RAD51B: variants seen among roughly 807,000 people sequenced by gnomAD.
RAD51B encodes the protein DNA repair protein RAD51 homolog 2.
In RAD51B, 38 loss-of-function variants were observed where a neutral mutation model predicts 42.2. The ratio of observed to expected loss-of-function variants is 0.90; its 90% CI spans 0.70 to 1.18. RAD51B has a LOEUF of 1.18. Among genes scored for constraint, RAD51B ranks in the 50% most tolerant of loss-of-function variants. RAD51B has a pLI of 0.00. For missense variants in RAD51B, 373 were observed against 400.7 expected, an observed-to-expected ratio of 0.93 and a Z score of 0.59; for synonymous variants, 154 against 145.2, an observed-to-expected ratio of 1.06 and a Z score of -0.43.
chr14:68,021,722 A>G lies in RAD51B; in HGVS notation c.756+134518A>G, dbSNP rs181302297. Among the ~76,000 whole-genome samples the G allele has an allele frequency of 5.0e-3, 765 of 152,338 alleles. 2 individuals carry two copies. The highest frequency in any genetic ancestry group is 8.7e-3 in the Non-Finnish European group (590 of 68,022). ...CAGTTATAGCAATAAAGTGGGCAAC[A>G]CAAAATTTTTTGTTTCCTAATGCAT... On this transcript the variant is annotated intron_variant, in intron 7 of 10. Transcript: ENST00000471583.
chr14:67,994,979 G>A (rs1177922936), intron 7 of RAD51B, among the ~76,000 whole-genome samples: 1 of 152,174 alleles, frequency 6.6e-6, no homozygotes, highest in Non-Finnish European at 1.5e-5. Flanking sequence ...ATGACCTTGA[G>A]GATGTTATGC....
intron 4 of RAD51B, among the ~76,000 whole-genome samples, chr14:67,839,762 A>G (rs2041363846): frequency 6.6e-6 from 1 of 151,678 alleles, no homozygotes; most frequent in African/African-American, 2.4e-5. Context: ...CTTAAATTAG[A>G]TATTTAATCT....
intron 8 of RAD51B, among the ~76,000 whole-genome samples, chr14:68,406,948 C>T (rs10130827): frequency 0.055 from 8,356 of 152,150 alleles, 785 homozygotes; most frequent in African/African-American, 0.19. Context: ...TCCACCCGCC[C>T]ATCTTGTCTC....
At chr14:68,529,409 G>C (rs1055304543) in intron 10 of RAD51B, among the ~76,000 whole-genome samples, 1 of 152,222 alleles carries the variant, frequency 6.6e-6, no homozygotes, top group Non-Finnish European at 1.5e-5. Flanking sequence ...TGTTGGCCAG[G>C]CTGGTCTTGA....
intron 8 of RAD51B, among the ~76,000 whole-genome samples, chr14:68,307,584 C>G (rs2081893482): frequency 6.6e-6 from 1 of 152,198 alleles, no homozygotes; most frequent in African/African-American, 2.4e-5. Flanking sequence ...TTGGGACTTG[C>G]ACCAATTAAA....
At chr14:67,874,423 T>C (rs1249214091) in intron 5 of RAD51B, among the ~76,000 whole-genome samples, 1 of 58,198 alleles carries the variant, frequency 1.7e-5, no homozygotes, top group African/African-American at 8.1e-5. Flanking sequence ...TTTTTTGTGA[T>C]TTTTTTTTTT....
At chr14:68,506,287 C>T (rs1885314792) in intron 10 of RAD51B, among the ~76,000 whole-genome samples, 1 of 152,220 alleles carries the variant, frequency 6.6e-6, no homozygotes, top group Non-Finnish European at 1.5e-5. Context: ...GCGAGTGAAG[C>T]TCAGGCAGGA....
At chr14:68,028,998 T>C (rs2075998721) in intron 7 of RAD51B, among the ~76,000 whole-genome samples, 1 of 152,200 alleles carries the variant, frequency 6.6e-6, no homozygotes, top group African/African-American at 2.4e-5. Flanking sequence ...TGGATGTGGG[T>C]TCCCCTGTAG....
chr14:67,951,156 C>T (rs571778396), intron 7 of RAD51B, among the ~76,000 whole-genome samples: 1 of 152,152 alleles, frequency 6.6e-6, no homozygotes, highest in African/African-American at 2.4e-5. Context: ...CATAGACTTG[C>T]TCAGTGCATG....
rs774560787 is a variant in RAD51B, at chr14:67,864,250, G to A, written c.316-753G>A. On this transcript the variant is annotated intron_variant, in intron 4 of 10. Transcript: ENST00000471583. Reference sequence around the variant, plus strand: ...AGCCAAACTACTTCTAGTTACACTTGAATATGGATATAATTAATTTCCTAT... The same window carrying A: ...AGCCAAACTACTTCTAGTTACACTTAAATATGGATATAATTAATTTCCTAT... Among the ~76,000 whole-genome samples, 156 of 152,230 alleles carry A rather than the reference G, an allele frequency of 1.0e-3. 2 individuals are homozygous for A. Among genetic ancestry groups the A allele is most frequent in the Admixed American group, 3.3e-3 (51 of 15,296 alleles).
At chr14:68,577,472 T>A (rs1890012491) in intron 10 of RAD51B, among the ~76,000 whole-genome samples, 1 of 151,906 alleles carries the variant, frequency 6.6e-6, no homozygotes, top group Non-Finnish European at 1.5e-5. Flanking sequence ...AAATTATTCA[T>A]GTGCTTTTAC....
chr14:68,256,987 A>G (rs2080767101), intron 7 of RAD51B, among the ~76,000 whole-genome samples: 1 of 152,238 alleles, frequency 6.6e-6, no homozygotes. Flanking sequence ...AAGGAATAAA[A>G]TCTGTAATTT....
At position 68,353,555 on chromosome 14, in the gene RAD51B, A is replaced by T. The variant is rs537484200; in HGVS notation, c.854-57869A>T. ...TCAGTAACCAGATCTACCTTGGAAG[A>T]CTCAGACTGGCACTTTGGCAAGGTG... is the stretch of plus-strand genomic sequence containing the variant. On this transcript the variant is annotated intron_variant, in intron 8 of 10. Transcript: ENST00000471583. Among the ~76,000 whole-genome samples the T allele has an allele frequency of 1.1e-3, 164 of 152,244 alleles. 2 individuals are homozygous for T. Among genetic ancestry groups the T allele is most frequent in the South Asian group, 8.3e-3 (40 of 4,826 alleles).
chr14:67,922,687 C>CTT lies in RAD51B; in HGVS notation c.756+35498_756+35499dup, dbSNP rs34206440. 2.7e-3 allele frequency among the ~76,000 whole-genome samples: 355 copies of CTT among 132,496 alleles called. 5 individuals are homozygous for CTT. The highest frequency in any genetic ancestry group is 6.8e-3 in the African/African-American group (244 of 35,626). The allele number at this position is 132,496 out of a possible 152,430, so 86.9% of individuals were successfully genotyped here. A position where few individuals can be genotyped will look rare whatever the true frequency, so the allele number is the denominator to read the frequency against. On this transcript the variant is annotated intron_variant, in intron 7 of 10. Transcript: ENST00000471583. ...GTGTACACTGTACCCAATATGTAGT[C>CTT]TTTTTTTTTTTTTTTTCTTTTTGAG...
chr14:68,652,359 T>C lies in RAD51B; in HGVS notation c.*11+1503T>C, dbSNP rs141432137. Reference sequence around the variant, plus strand: ...GATACTCCTACTCTCTGCCTCCCAGTCTCCCCAGGTCTTTCCTGTTTTTCC... The same window carrying C: ...GATACTCCTACTCTCTGCCTCCCAGCCTCCCCAGGTCTTTCCTGTTTTTCC... On this transcript the variant is annotated intron_variant, in intron 11 of 11. Transcript: ENST00000488612. 1.4e-3 allele frequency among the ~76,000 whole-genome samples: 208 copies of C among 152,256 alleles called. 1 individual carries two copies. The highest frequency in any genetic ancestry group is 4.6e-3 in the African/African-American group (191 of 41,544).
intron 10 of RAD51B, among the ~76,000 whole-genome samples, chr14:68,622,227 A>G (rs1358173732): frequency 6.6e-6 from 1 of 152,168 alleles, no homozygotes; most frequent in East Asian, 1.9e-4. Flanking sequence ...TAGACCCTTC[A>G]CAGACGCCAG....
At chr14:68,625,095 G>A (rs1407225594) in intron 10 of RAD51B, among the ~76,000 whole-genome samples, 3 of 152,170 alleles carry the variant, frequency 2.0e-5, no homozygotes, top group Non-Finnish European at 4.4e-5. Context: ...GTGGAGCTGG[G>A]ACCTGGACTA....
intron 4 of RAD51B, among the ~76,000 whole-genome samples, chr14:67,849,683 A>G (rs1330718625): frequency 6.6e-6 from 1 of 152,178 alleles, no homozygotes; most frequent in African/African-American, 2.4e-5. Flanking sequence ...AAAATTTTCA[A>G]CAGCTTGGCA....
intron 10 of RAD51B, among the ~76,000 whole-genome samples, chr14:68,619,363 T>C (rs374066783): frequency 1.3e-5 from 2 of 151,134 alleles, no homozygotes; most frequent in Admixed American, 6.6e-5. Context: ...CTCAGGAGGC[T>C]GAGGCAGGAG....
Sources: allele counts gnomAD v4.1 joint callset (sites outside exome capture counted in the v4.1 genomes callset), GRCh38; gene constraint gnomAD v4.1.1; transcripts MANE v1.5; gene names NCBI Gene and HGNC (gene_info 2026-07-23, HGNC 2026-07-21).